CHN2: variants seen among roughly 807,000 people sequenced by gnomAD.
CHN2 encodes the protein chimerin 2.
A neutral mutation model predicts 56.3 loss-of-function variants in CHN2; 35 were observed. The observed-to-expected ratio is 0.62, with a 90% CI of 0.47 to 0.82. CHN2 has a LOEUF of 0.82. Ranked by LOEUF, CHN2 falls within the 40% of genes least tolerant of loss-of-function variation. The probability of loss-of-function intolerance (pLI) is 0.00; values close to 1 mark genes in which losing one functional copy is unlikely to be tolerated. For missense variants in CHN2, 491 were observed against 580.5 expected (o/e 0.85, Z 1.58); for synonymous variants, 210 against 212.8 (o/e 0.99, Z 0.12).
chr7:29,194,839 C>A lies in CHN2; in HGVS notation c.-103C>A. On this transcript the variant is annotated 5_prime_UTR_variant, in exon 1 of 13. Coordinates refer to ENST00000222792, the MANE Select transcript of CHN2 (RefSeq NM_004067.4). ...CTTTCTGCGCGTCCCCAGGACTTTG[C>A]CATGGGCTGGGGGCCGCGGAGGCTG... The A allele has an allele frequency of 8.9e-7, 1 of 1,118,842 alleles. No homozygotes were observed. Among genetic ancestry groups the A allele is most frequent in the Non-Finnish European group, 1.2e-6 (1 of 856,868 alleles). The allele number at this position is 1,118,842 out of a possible 1,614,324, so 69.3% of individuals were successfully genotyped here.
intron 1 of CHN2, among the ~76,000 whole-genome samples, chr7:29,220,036 T>C (rs1052589411): frequency 1.3e-5 from 2 of 151,602 alleles, no homozygotes; most frequent in African/African-American, 4.9e-5. Flanking sequence ...GATTGCGCCA[T>C]TGCACCTCAG....
chr7:29,255,287 C>T (rs1788980181), intron 1 of CHN2, among the ~76,000 whole-genome samples: 1 of 152,190 alleles, frequency 6.6e-6, no homozygotes, highest in Non-Finnish European at 1.5e-5. Flanking sequence ...CCATCGAGCT[C>T]ACTTCAGAGC....
intron 1 of CHN2, among the ~76,000 whole-genome samples, chr7:29,293,857 ATTTTTTTTTTTTT>A (rs70980522): frequency 3.8e-5 from 3 of 78,496 alleles, no homozygotes; most frequent in Non-Finnish European, 7.2e-5. Context: ...GAGGCTGGGA[ATTTTTTTTTTTTT>A]TTTTTTTTTT....
At chr7:29,309,785 T>C (rs1002281198) in intron 1 of CHN2, among the ~76,000 whole-genome samples, 5 of 152,228 alleles carry the variant, frequency 3.3e-5, no homozygotes, top group Admixed American at 3.3e-4. Flanking sequence ...AGGGAGGTGC[T>C]GGGCCACTTT....
At chr7:29,180,812 T>C (rs921676578) in intron 2 of CHN2, among the ~76,000 whole-genome samples, 1 of 152,202 alleles carries the variant, frequency 6.6e-6, no homozygotes, top group African/African-American at 2.4e-5. Context: ...TGTGTGATGT[T>C]GGACAAGACT....
At chr7:29,394,514 A>G (rs538890558) in intron 4 of CHN2, among the ~76,000 whole-genome samples, 1 of 152,282 alleles carries the variant, frequency 6.6e-6, no homozygotes, top group Non-Finnish European at 1.5e-5. Flanking sequence ...CATCTTCATG[A>G]TTAATGACCC....
intron 1 of CHN2, among the ~76,000 whole-genome samples, chr7:29,263,928 TG>T (rs1454715133): frequency 6.7e-6 from 1 of 148,512 alleles, no homozygotes; most frequent in Non-Finnish European, 1.5e-5. Flanking sequence ...GTCCGGGAGC[TG>T]GGGGGCAGCC....
intron 1 of CHN2, among the ~76,000 whole-genome samples, chr7:29,341,968 C>A (rs918983129): frequency 2.4e-4 from 36 of 152,194 alleles, no homozygotes; most frequent in African/African-American, 6.8e-4. Flanking sequence ...TAAAAACATA[C>A]CTTCAGGGAC....
chr7:29,365,052 T>C (rs1182613450), intron 2 of CHN2, among the ~76,000 whole-genome samples: 1 of 152,216 alleles, frequency 6.6e-6, no homozygotes, highest in Non-Finnish European at 1.5e-5. Context: ...AGAGTATTGT[T>C]CCAGGTCAGT....
intron 8 of CHN2, among the ~76,000 whole-genome samples, chr7:29,499,594 A>T (rs1789711197): frequency 6.6e-6 from 1 of 151,710 alleles, no homozygotes; most frequent in South Asian, 2.1e-4. Flanking sequence ...TATACAAAAA[A>T]ACCTGATCAA....
At chr7:29,355,150 T>C (rs1798196739) in intron 2 of CHN2, among the ~76,000 whole-genome samples, 1 of 151,888 alleles carries the variant, frequency 6.6e-6, no homozygotes. Flanking sequence ...TTTGTATTTT[T>C]AGTAGAGACG....
intron 1 of CHN2, among the ~76,000 whole-genome samples, chr7:29,277,151 A>C (rs1791297174): frequency 6.6e-6 from 1 of 152,168 alleles, no homozygotes; most frequent in African/African-American, 2.4e-5. Flanking sequence ...TGTCTGTGAA[A>C]TGCAGGGACC....
At chr7:29,180,007 A>G (rs1797860053) in intron 2 of CHN2, among the ~76,000 whole-genome samples, 1 of 152,248 alleles carries the variant, frequency 6.6e-6, no homozygotes, top group Non-Finnish European at 1.5e-5. Context: ...CCCTGCAGAC[A>G]GTGGAAATAT....
intron 3 of CHN2, among the ~76,000 whole-genome samples, chr7:29,385,938 C>T (rs144351923): frequency 1.3e-5 from 2 of 152,312 alleles, no homozygotes; most frequent in East Asian, 3.9e-4. Flanking sequence ...AAGTATCCAA[C>T]TTGTGTGTAT....
intron 2 of CHN2, among the ~76,000 whole-genome samples, chr7:29,188,010 C>G (rs1196479531): frequency 6.6e-6 from 1 of 152,152 alleles, no homozygotes; most frequent in Non-Finnish European, 1.5e-5. Context: ...CTTCAAAGCC[C>G]AGGCCTGGCT....
At chr7:29,239,878 A>G (rs761643988) in intron 1 of CHN2, among the ~76,000 whole-genome samples, 1 of 152,242 alleles carries the variant, frequency 6.6e-6, no homozygotes, top group African/African-American at 2.4e-5. Context: ...TGCTCCTATC[A>G]GGGAGAGGGA....
At chr7:29,441,711 A>G (rs776735551) in intron 6 of CHN2, among the ~76,000 whole-genome samples, 4 of 152,204 alleles carry the variant, frequency 2.6e-5, no homozygotes, top group Non-Finnish European at 5.9e-5. Flanking sequence ...AGGGAAATGC[A>G]ATCAAAACCG....
intron 1 of CHN2, among the ~76,000 whole-genome samples, chr7:29,266,029 A>C (rs1790109719): frequency 6.6e-6 from 1 of 152,086 alleles, no homozygotes. Context: ...TCTTCCCCCC[A>C]AAAAAGATCC....
chr7:29,304,578 G>A (rs1793990656), intron 1 of CHN2, among the ~76,000 whole-genome samples: 1 of 152,128 alleles, frequency 6.6e-6, no homozygotes, highest in African/African-American at 2.4e-5. Flanking sequence ...TTTAATCCAG[G>A]TTTTGCCTGG....
Sources: gnomAD v4.1 joint callset for allele counts (sites outside exome capture counted in the v4.1 genomes callset) on GRCh38, gnomAD v4.1.1 for gene constraint, MANE v1.5 for transcripts, NCBI Gene and HGNC (gene_info 2026-07-23, HGNC 2026-07-21) for gene names.